OR51B5: variants seen among roughly 807,000 people sequenced by gnomAD.
OR51B5 encodes the protein olfactory receptor 51B5.
For synonymous variants in OR51B5, 186 were observed against 144.8 expected, an observed-to-expected ratio of 1.28 and a Z score of -2.04; for missense variants, 456 against 374.6, an observed-to-expected ratio of 1.22 and a Z score of -1.79.
chr11:5,356,473 A>C (rs1412755237), intron 1 of OR51B5, among the ~76,000 whole-genome samples: 1 of 148,236 alleles, frequency 6.7e-6, no homozygotes, highest in Non-Finnish European at 1.5e-5. Flanking sequence ...ATATGGGACT[A>C]TGTGAAAAGA....
intron 1 of OR51B5, among the ~76,000 whole-genome samples, chr11:5,415,813 C>A (rs1850234663): frequency 6.6e-6 from 1 of 152,056 alleles, no homozygotes; most frequent in Admixed American, 6.5e-5. Flanking sequence ...GAGTCCAGAA[C>A]CAGATGGATT....
intron 1 of OR51B5, among the ~76,000 whole-genome samples, chr11:5,426,523 G>A (rs1387870002): frequency 1.3e-5 from 2 of 152,052 alleles, no homozygotes; most frequent in Non-Finnish European, 2.9e-5. Flanking sequence ...TTGGAAATAG[G>A]TGAAATCTGT....
At chr11:5,436,545 T>C (rs1850598981) in intron 1 of OR51B5, among the ~76,000 whole-genome samples, 1 of 152,198 alleles carries the variant, frequency 6.6e-6, no homozygotes, top group South Asian at 2.1e-4. Flanking sequence ...TGATCACCCA[T>C]GTGTCTTTCA....
Position 5,465,163 on chromosome 11 carries a change from G to A in OR51B5, n.84+40406C>T, listed in dbSNP as rs1362171018. On this transcript the variant is annotated intron_variant and non_coding_transcript_variant, in intron 1 of 4. Transcript: ENST00000415970. ...GGAGCTTGCAGTGAGCCGAGATCCCGCCACTGCACTCCAGCCTGGGCGACA... is the reference window on the plus strand; with the variant it reads ...GGAGCTTGCAGTGAGCCGAGATCCCACCACTGCACTCCAGCCTGGGCGACA... Among the ~76,000 whole-genome samples the A allele has an allele frequency of 1.1e-4, 12 of 114,262 alleles. No homozygotes were observed. In the East Asian group the frequency reaches 1.1e-3, roughly 10 times the overall value. The allele number at this position is 114,262 out of a possible 152,430, so 75.0% of individuals were successfully genotyped here.
At chr11:5,379,989 T>TAAAA (rs10694400) in intron 1 of OR51B5, among the ~76,000 whole-genome samples, 4,578 of 145,606 alleles carry the variant, frequency 0.031, 235 homozygotes, top group African/African-American at 0.11. Flanking sequence ...AACAAAACTT[T>TAAAA]AAAAAAAAAA....
chr11:5,474,357 CAGG>C (rs1265525908), intron 1 of OR51B5, among the ~76,000 whole-genome samples: 1 of 152,020 alleles, frequency 6.6e-6, no homozygotes, highest in Non-Finnish European at 1.5e-5. Context: ...TCACCACTTA[CAGG>C]AGGAGATAAA....
chr11:5,478,063 C>T (rs1851344680), intron 1 of OR51B5, among the ~76,000 whole-genome samples: 1 of 151,792 alleles, frequency 6.6e-6, no homozygotes, highest in South Asian at 2.1e-4. Context: ...GGGCAGGGCA[C>T]AGACAAACAA....
At chr11:5,459,304 C>T (rs183550646) in intron 1 of OR51B5, among the ~76,000 whole-genome samples, 19 of 152,184 alleles carry the variant, frequency 1.2e-4, no homozygotes, top group South Asian at 4.2e-4. Flanking sequence ...GAACATAAAG[C>T]GAACTTGCTT....
At chr11:5,470,862 G>C (rs1249002882) in intron 1 of OR51B5, among the ~76,000 whole-genome samples, 1 of 152,074 alleles carries the variant, frequency 6.6e-6, no homozygotes, top group Admixed American at 6.6e-5. Context: ...GGATCACCCA[G>C]CTTAGTATCA....
intron 1 of OR51B5, among the ~76,000 whole-genome samples, chr11:5,433,897 T>C (rs564156168): frequency 8.5e-4 from 130 of 152,284 alleles, no homozygotes; most frequent in African/African-American, 2.9e-3. Context: ...AGAATGATCC[T>C]AGGTCCTGCA....
chr11:5,453,477 G>A, intron 1 of OR51B5: 3 of 1,508,796 alleles, frequency 2.0e-6, no homozygotes, highest in Non-Finnish European at 2.7e-6. Flanking sequence ...AGTACCCTAA[G>A]TTTGTTTTGC....
intron 1 of OR51B5, among the ~76,000 whole-genome samples, chr11:5,405,157 G>T (rs1850040174): frequency 1.3e-5 from 2 of 152,094 alleles, no homozygotes; most frequent in Non-Finnish European, 1.5e-5. Flanking sequence ...AAGAAATTAA[G>T]ATTTTTAACA....
At chr11:5,460,235 A>G (rs1851027557) in intron 1 of OR51B5, among the ~76,000 whole-genome samples, 2 of 152,180 alleles carry the variant, frequency 1.3e-5, no homozygotes, top group Non-Finnish European at 2.9e-5. Context: ...ACTGGGGCCT[A>G]CTGGAGGGTG....
chr11:5,427,950 A>G (rs1850473836), intron 1 of OR51B5, among the ~76,000 whole-genome samples: 1 of 152,150 alleles, frequency 6.6e-6, no homozygotes, highest in South Asian at 2.1e-4. Flanking sequence ...GAGGTAAAAT[A>G]AAATTTTCAG....
intron 1 of OR51B5, among the ~76,000 whole-genome samples, chr11:5,424,777 G>T (rs190043112): frequency 3.6e-5 from 5 of 137,720 alleles, no homozygotes; most frequent in Middle Eastern, 7.2e-3. Flanking sequence ...GTCAGCAGAT[G>T]GAGACCATCC....
intron 1 of OR51B5, among the ~76,000 whole-genome samples, chr11:5,373,874 C>T (rs2133709667): frequency 6.6e-6 from 1 of 152,244 alleles, no homozygotes; most frequent in East Asian, 1.9e-4. Context: ...GGCCTGCCTG[C>T]CTCTGTAGGC....
chr11:5,377,800 T>G (rs11037097), intron 1 of OR51B5, among the ~76,000 whole-genome samples: 30,581 of 151,672 alleles, frequency 0.2, 3,317 homozygotes, highest in East Asian at 0.37. Flanking sequence ...CACTGCTCAA[T>G]GAAATAAAAG....
chr11:5,377,326 T>C (rs1191777764), intron 1 of OR51B5, among the ~76,000 whole-genome samples: 8 of 151,744 alleles, frequency 5.3e-5, no homozygotes, highest in East Asian at 3.9e-4. Context: ...TAATAAGAGC[T>C]ATCTATGACA....
intron 1 of OR51B5, chr11:5,403,107 C>T (rs2133742999): frequency 2.1e-6 from 1 of 471,564 alleles, no homozygotes. Context: ...GGCGTCTGCC[C>T]TTCTGTGGCC....
Sources: gnomAD v4.1 joint callset for allele counts (sites outside exome capture counted in the v4.1 genomes callset) on GRCh38, gnomAD v4.1.1 for gene constraint, MANE v1.5 for transcripts, NCBI Gene and HGNC (gene_info 2026-07-23, HGNC 2026-07-21) for gene names.